The following YIF1B variants were observed in gnomAD, a reference collection of about 807,000 sequenced individuals.
YIF1B encodes the protein Yip1 interacting factor homolog B, membrane trafficking protein.
A neutral mutation model predicts 34.6 loss-of-function variants in YIF1B; 24 were observed. The observed-to-expected ratio is 0.69, with a 90% confidence interval of 0.50 to 0.98. The LOEUF (loss-of-function observed/expected upper bound fraction) is 0.98, where lower values mean the gene tolerates loss of function less well. YIF1B is among the 50% of genes least tolerant of loss of function. The probability of loss-of-function intolerance (pLI) is 0.00; values close to 1 mark genes in which losing one functional copy is unlikely to be tolerated. For synonymous variants in YIF1B, 186 were observed against 184.8 expected (o/e 1.01, Z -0.05); for missense variants, 368 against 429.4 (o/e 0.86, Z 1.26).
upstream of YIF1B, chr19:38,319,707 G>A: frequency 2.1e-6 from 1 of 466,880 alleles, no homozygotes. Context: ...TTGGTCTGCT[G>A]GGTCTGGGAG....
rs780471699 is a variant in YIF1B at position 38,308,868 on chromosome 19, C to A, written c.482-19G>T. 1 of 1,613,926 alleles carries A rather than the reference C, an allele frequency of 6.2e-7. No homozygotes were observed. The highest frequency in any genetic ancestry group is 8.5e-7 in the Non-Finnish European group (1 of 1,179,908). ...GCCATTGCTGTGGGAGACAGACACACAGACACTGGTCACCAGAGGAAGAAC... is the reference window on the plus strand; with the variant it reads ...GCCATTGCTGTGGGAGACAGACACAAAGACACTGGTCACCAGAGGAAGAAC... On this transcript the variant is annotated intron_variant, in intron 4 of 7. Transcript: ENST00000339413.
intron 7 of YIF1B, 56 bp from the exon 8 acceptor site, chr19:38,305,563 AGAGT>A: frequency 6.5e-7 from 1 of 1,542,242 alleles, no homozygotes; most frequent in Non-Finnish European, 8.8e-7. Flanking sequence ...CCTCTGGGCC[AGAGT>A]GAGAGCCCGG....
rs1311771090 is a variant in YIF1B, at chr19:38,304,271, G to C, written c.*1081C>G. 2 of 1,613,738 alleles carry C rather than the reference G, an allele frequency of 1.2e-6. No individual in the cohort carries two copies. The highest frequency in any genetic ancestry group is 1.7e-6 in the Non-Finnish European group (2 of 1,180,040). ...AACTTCTCTTACCGCCATGGAGTTC[G>C]ACCTGGGAGCAGGTGAGCTCCTGGG... On this transcript the variant is annotated 3_prime_UTR_variant, in exon 8 of 8. Transcript: ENST00000339413.
upstream of YIF1B, among the ~76,000 whole-genome samples, chr19:38,317,736 A>T (rs1226859808): frequency 6.6e-6 from 1 of 151,278 alleles, no homozygotes; most frequent in African/African-American, 2.4e-5. Flanking sequence ...GTGCCATCGC[A>T]CCTGGCTAAT....
At chr19:38,318,061 C>T (rs1454178790), upstream of YIF1B, among the ~76,000 whole-genome samples, 7 of 150,562 alleles carry the variant, frequency 4.6e-5, no homozygotes, top group South Asian at 2.1e-4. Flanking sequence ...GGTGTTGTGG[C>T]GGGCATCTAT....
At chr19:38,312,057 C>T (rs1000094952) in intron 1 of YIF1B, among the ~76,000 whole-genome samples, 1 of 151,818 alleles carries the variant, frequency 6.6e-6, no homozygotes, top group Non-Finnish European at 1.5e-5. Flanking sequence ...GAGCCAAGAT[C>T]GCGCCACTGC....
rs771499682 is a variant in YIF1B, at chr19:38,307,566, T to A, written c.695+31A>T. ...CTGTGTGAGGACAAGGCCCAAGGGCTGGGGCTGGCGTGAAGGGCGGGGGTA... is the reference window on the plus strand; with the variant it reads ...CTGTGTGAGGACAAGGCCCAAGGGCAGGGGCTGGCGTGAAGGGCGGGGGTA... On this transcript the variant is annotated intron_variant, in intron 6 of 7. Coordinates refer to ENST00000339413, the MANE Select transcript of YIF1B (RefSeq NM_001039672.3). 3 of 1,613,618 alleles carry A rather than the reference T, an allele frequency of 1.9e-6. No homozygotes were observed. The South Asian group carries it at 3.3e-5, about 18-fold the overall frequency.
chr19:38,307,281 C>T (rs1190327446), intron 7 of YIF1B, 147 bp downstream of exon 7: 21 of 813,486 alleles, frequency 2.6e-5, no homozygotes, highest in Non-Finnish European at 1.8e-5. Context: ...GCCCTCCTGA[C>T]CCCCCAGGCC....
At chr19:38,316,183 C>G (rs1969545221), upstream of YIF1B, among the ~76,000 whole-genome samples, 1 of 152,160 alleles carries the variant, frequency 6.6e-6, no homozygotes, top group African/African-American at 2.4e-5. Context: ...GGGACCAATC[C>G]CAGGAGGAGG....
At chr19:38,319,897 G>A (rs1476860488), upstream of YIF1B, 2 of 1,360,470 alleles carry the variant, frequency 1.5e-6, no homozygotes, top group East Asian at 3.1e-5. Context: ...CGGTCCGGAG[G>A]CGGGGGCCAC....
intron 1 of YIF1B, among the ~76,000 whole-genome samples, chr19:38,310,767 C>G (rs1969296756): frequency 1.3e-5 from 2 of 152,062 alleles, no homozygotes. Context: ...AGCTGTGCCT[C>G]TGCTTGGAAC....
intron 1 of YIF1B, among the ~76,000 whole-genome samples, chr19:38,312,956 CTTCT>C (rs1462355214): frequency 6.6e-6 from 1 of 151,882 alleles, no homozygotes; most frequent in Non-Finnish European, 1.5e-5. Flanking sequence ...CCTACTTCTT[CTTCT>C]TTTTTTTTTA....
At chr19:38,316,553 C>T (rs992052025), upstream of YIF1B, among the ~76,000 whole-genome samples, 1 of 152,032 alleles carries the variant, frequency 6.6e-6, no homozygotes, top group African/African-American at 2.4e-5. Flanking sequence ...TGCAGACAGC[C>T]GTTCAGTTTG....
chr19:38,307,966 CA>C (rs1969136067), intron 5 of YIF1B, among the ~76,000 whole-genome samples: 1 of 152,220 alleles, frequency 6.6e-6, no homozygotes, highest in South Asian at 2.1e-4. Context: ...GCTGGAGTCA[CA>C]GGGGGCTGTG....
intron 5 of YIF1B, 113 bp downstream of exon 5, chr19:38,308,679 G>T: frequency 7.4e-7 from 1 of 1,356,628 alleles, no homozygotes. Context: ...CCAACTGGGA[G>T]CAAAGTGGGG....
In YIF1B at chr19:38,309,051, C is replaced by G. The variant is rs1382881096; in HGVS notation, c.409G>C (p.Glu137Gln). 1 of 1,553,848 alleles carries G rather than the reference C, an allele frequency of 6.4e-7. No homozygotes were observed. ...LFFPYLHQDW[E>Q]VQYQQDTPVA... ...GGGGTGTCCTGTTGGTACTGCACTT[C>G]CCAGTCCTGCGGGGATGGGGAGACG... Residue 137 changes from glutamate (E) to glutamine (Q), a missense_variant, in exon 4 of 8, where the codon GAA (glutamate) becomes CAA (glutamine). Coordinates refer to ENST00000339413, the MANE Select transcript of YIF1B (RefSeq NM_001039672.3).
At chr19:38,311,223 G>C (rs563906574) in intron 1 of YIF1B, among the ~76,000 whole-genome samples, 2 of 151,750 alleles carry the variant, frequency 1.3e-5, no homozygotes, top group African/African-American at 4.8e-5. Context: ...GGAGACAAAG[G>C]TTGCAGTGAG....
chr19:38,304,454 G>C lies in YIF1B; in HGVS notation c.*898C>G. 1 of 1,556,710 alleles carries C rather than the reference G, an allele frequency of 6.4e-7. No homozygotes were observed. Among genetic ancestry groups the C allele is most frequent in the East Asian group, 2.4e-5 (1 of 41,644 alleles). The stretch of plus-strand genomic sequence containing the variant: ...CCAAGCTCAGTCCCCACAAAGTTCA[G>C]GGCCGGTCGGAGGCAGGGGCAGGTC... On this transcript the variant is annotated 3_prime_UTR_variant, in exon 8 of 8. Transcript: ENST00000339413.
In YIF1B at chr19:38,305,181, T is replaced by C. The variant is rs1968947746; in HGVS notation, c.*171A>G. On this transcript the variant is annotated 3_prime_UTR_variant, in exon 8 of 8. Transcript: ENST00000339413. ...GCCCTGGGGCGGTGGCCTGTGCAGC[T>C]GGAGATCTCTCAGCACCTTGGGTTG... 5.9e-6 allele frequency: 8 copies of C among 1,363,616 alleles called. No individual in the cohort carries two copies. In the South Asian group the frequency reaches 9.0e-5, roughly 15 times the overall value. The allele number at this position is 1,363,616 out of a possible 1,614,324, so 84.5% of individuals were successfully genotyped here.
Sources: gnomAD v4.1 joint callset for allele counts (sites outside exome capture counted in the v4.1 genomes callset) on GRCh38, gnomAD v4.1.1 for gene constraint, MANE v1.5 for transcripts, NCBI Gene and HGNC (gene_info 2026-07-23, HGNC 2026-07-21) for gene names.